ANKRD44: variants seen among roughly 807,000 people sequenced by gnomAD.
ANKRD44 encodes ankyrin repeat domain 44.
Under a neutral mutation model 116.0 loss-of-function variants are expected in ANKRD44, and 35 were observed. That is an observed-to-expected ratio of 0.30 (90% CI 0.23 to 0.40). The LOEUF is 0.40. Ranked by LOEUF, ANKRD44 falls within the 10% of genes least tolerant of loss-of-function variation. The pLI, the probability that ANKRD44 is intolerant of heterozygous loss-of-function variation, is 1.00. For missense variants in ANKRD44, 1,014 were observed against 1,242.6 expected (o/e 0.82, Z 2.77); for synonymous variants, 435 against 461.8 (o/e 0.94, Z 0.74).
At chr2:197,089,308 G>A (rs751053571) in intron 11 of ANKRD44, among the ~76,000 whole-genome samples, 8 of 152,182 alleles carry the variant, frequency 5.3e-5, no homozygotes, top group Admixed American at 2.0e-4. Context: ...GATATCTCAT[G>A]AATTAATTCA....
At chr2:197,187,664 C>T (rs894718063) in intron 1 of ANKRD44, among the ~76,000 whole-genome samples, 3 of 151,958 alleles carry the variant, frequency 2.0e-5, no homozygotes, top group Non-Finnish European at 2.9e-5. Flanking sequence ...CTCTCTCTCT[C>T]TCTCTCTCTC....
chr2:197,050,433 T>C lies in ANKRD44; in HGVS notation c.1651-25166A>G, dbSNP rs965452692. ...ATCATTGTTTTTTGTTTTTGCTTTTTTTTTTTTGAGGCAGAGTCTCATTCT... is the reference window on the plus strand; with the variant it reads ...ATCATTGTTTTTTGTTTTTGCTTTTCTTTTTTTGAGGCAGAGTCTCATTCT... On this transcript the variant is annotated intron_variant, in intron 16 of 27. Coordinates refer to ENST00000282272, the MANE Select transcript of ANKRD44 (RefSeq NM_001195144.2). Among the ~76,000 whole-genome samples, 4 of 152,102 alleles carry C rather than the reference T, an allele frequency of 2.6e-5. No individual in the cohort carries two copies. The South Asian group carries it at 8.3e-4, about 32-fold the overall frequency.
In ANKRD44 at chr2:196,986,872, G is replaced by A; in HGVS notation, c.*2719C>T. On this transcript the variant is annotated 3_prime_UTR_variant, in exon 28 of 28. Coordinates refer to ENST00000282272, the MANE Select transcript of ANKRD44 (RefSeq NM_001195144.2). ...ATTTTTACAGTCATGACATTTACCAGAGTCATTCAACTCCAATTTACATAA... is the reference window on the plus strand; with the variant it reads ...ATTTTTACAGTCATGACATTTACCAAAGTCATTCAACTCCAATTTACATAA... 5 of 985,300 alleles carry A rather than the reference G, an allele frequency of 5.1e-6. No homozygotes were observed. The highest frequency in any genetic ancestry group is 6.0e-6 in the Non-Finnish European group (5 of 829,882). The allele number at this position is 985,300 out of a possible 1,614,324, so 61.0% of individuals were successfully genotyped here.
chr2:197,042,959 G>C (rs1054314339), intron 16 of ANKRD44, among the ~76,000 whole-genome samples: 2 of 152,220 alleles, frequency 1.3e-5, no homozygotes, highest in African/African-American at 4.8e-5. Context: ...AGAGGCTTTT[G>C]CACCAATGTG....
intron 16 of ANKRD44, among the ~76,000 whole-genome samples, chr2:197,040,172 G>A (rs2076883740): frequency 6.6e-6 from 1 of 151,072 alleles, no homozygotes; most frequent in South Asian, 2.1e-4. Flanking sequence ...CCAGGAGGTA[G>A]AGGTTGCATT....
In ANKRD44 at chr2:197,121,548, CA is replaced by C. The variant is rs1559080612; in HGVS notation, c.694-5del. ...CATAGACATTGATTTCATCAATCTGCAAAAGAGTCCAACACAGGGTGATTAA... is the reference window on the plus strand; with the variant it reads ...CATAGACATTGATTTCATCAATCTGCAAAGAGTCCAACACAGGGTGATTAA... On this transcript the variant is annotated splice_polypyrimidine_tract_variant and splice_region_variant and intron_variant, in intron 7 of 27. Coordinates refer to ENST00000282272, the MANE Select transcript of ANKRD44 (RefSeq NM_001195144.2). 6.2e-7 allele frequency: 1 copy of C among 1,612,566 alleles called. No individual in the cohort carries two copies. The highest frequency in any genetic ancestry group is 1.1e-5 in the South Asian group (1 of 90,956).
At chr2:197,099,296 T>C (rs2078235670) in intron 10 of ANKRD44, among the ~76,000 whole-genome samples, 1 of 152,148 alleles carries the variant, frequency 6.6e-6, no homozygotes. Context: ...ATGAGCGCCT[T>C]GAAACTAGGT....
At chr2:197,171,135 T>C (rs1259470772) in intron 2 of ANKRD44, among the ~76,000 whole-genome samples, 1 of 152,228 alleles carries the variant, frequency 6.6e-6, no homozygotes, top group African/African-American at 2.4e-5. Flanking sequence ...CAGGTCTGTT[T>C]CTATTATAAT....
chr2:196,977,884 TA>T (rs1559390731), intron 21 of ANKRD44, among the ~76,000 whole-genome samples: 1 of 152,074 alleles, frequency 6.6e-6, no homozygotes, highest in Non-Finnish European at 1.5e-5. Flanking sequence ...CATATGTCCA[TA>T]AAAAAGTCTG....
chr2:197,043,542 T>A (rs890933357), intron 16 of ANKRD44, among the ~76,000 whole-genome samples: 7 of 152,164 alleles, frequency 4.6e-5, no homozygotes, highest in African/African-American at 7.2e-5. Context: ...AATACTTTCT[T>A]ACACCCTAAA....
intron 1 of ANKRD44, among the ~76,000 whole-genome samples, chr2:197,217,316 A>T (rs2081471853): frequency 6.6e-6 from 1 of 152,236 alleles, no homozygotes; most frequent in Non-Finnish European, 1.5e-5. Flanking sequence ...AAATAGAGCC[A>T]TCTTTTAAGG....
intron 10 of ANKRD44, among the ~76,000 whole-genome samples, chr2:197,091,530 G>A (rs1032484023): frequency 4.6e-5 from 7 of 151,984 alleles, no homozygotes; most frequent in African/African-American, 1.7e-4. Flanking sequence ...CTAATTTTTT[G>A]GTGTATTTTG....
At chr2:197,205,087 C>T (rs943095056) in intron 1 of ANKRD44, among the ~76,000 whole-genome samples, 3 of 152,216 alleles carry the variant, frequency 2.0e-5, no homozygotes, top group African/African-American at 7.2e-5. Flanking sequence ...CAAAAGCTCC[C>T]AATTGTGGCT....
intron 11 of ANKRD44, 26 bp from the exon 12 acceptor site, chr2:197,088,800 A>G: frequency 6.2e-7 from 1 of 1,611,940 alleles, no homozygotes; most frequent in Non-Finnish European, 8.5e-7. Flanking sequence ...GCTCATTACT[A>G]AACAAGGATA....
chr2:197,078,452 A>G, intron 16 of ANKRD44: 4 of 1,018,524 alleles, frequency 3.9e-6, no homozygotes, highest in Middle Eastern at 3.8e-4. Flanking sequence ...ACTGCCTTAT[A>G]TCGATGACTA....
At chr2:197,013,846 A>G (rs781364511) in intron 17 of ANKRD44, 134 bp from the exon 18 acceptor site, 3 of 820,888 alleles carry the variant, frequency 3.7e-6, no homozygotes, top group South Asian at 1.7e-5. Context: ...AACACTTGGA[A>G]TATTTATTAA....
At chr2:197,026,049 A>AACAAAC (rs2076587326) in intron 16 of ANKRD44, among the ~76,000 whole-genome samples, 2 of 109,834 alleles carry the variant, frequency 1.8e-5, no homozygotes, top group South Asian at 4.9e-4. Flanking sequence ...AAAAGAAACA[A>AACAAAC]AAAAAAAAAA....
intron 1 of ANKRD44, among the ~76,000 whole-genome samples, chr2:197,197,370 G>A (rs78373972): frequency 0.085 from 12,862 of 152,172 alleles, 1,174 homozygotes; most frequent in African/African-American, 0.23. Context: ...AACCCAGTGC[G>A]TAGCTCCTTT....
intron 16 of ANKRD44, among the ~76,000 whole-genome samples, chr2:197,077,434 A>G (rs373616911): frequency 2.0e-5 from 3 of 152,278 alleles, no homozygotes; most frequent in African/African-American, 7.2e-5. Context: ...CAGTGGGGAT[A>G]AGATACCTGC....
Sources: allele counts gnomAD v4.1 joint callset (sites outside exome capture counted in the v4.1 genomes callset), GRCh38; gene constraint gnomAD v4.1.1; transcripts MANE v1.5; gene names NCBI Gene and HGNC (gene_info 2026-07-23, HGNC 2026-07-21).